Variants in DOCK2 observed in about 807,000 individuals in gnomAD.
The protein encoded by DOCK2 is dedicator of cytokinesis 2, also known as dedicator of cytokinesis protein 2.
A neutral mutation model predicts 248.9 loss-of-function variants in DOCK2; 87 were observed. The observed-to-expected ratio is 0.35, with a 90% CI of 0.29 to 0.42. The LOEUF (loss-of-function observed/expected upper bound fraction) is 0.42, where lower values mean the gene tolerates loss of function less well. Among genes scored for constraint, DOCK2 ranks in the 10% least tolerant of loss-of-function variants. DOCK2 has a pLI of 1.00. For synonymous variants in DOCK2, 805 were observed against 821.6 expected, an observed-to-expected ratio of 0.98 and a Z score of 0.35; for missense variants, 1,747 against 2,300.2, an observed-to-expected ratio of 0.76 and a Z score of 4.92.
intron 22 of DOCK2, among the ~76,000 whole-genome samples, chr5:169,724,502 C>T (rs1762367278): frequency 6.6e-6 from 1 of 152,106 alleles, no homozygotes; most frequent in African/African-American, 2.4e-5. Flanking sequence ...AGCTTCAGCA[C>T]CTGGAAGCTT....
intron 27 of DOCK2, among the ~76,000 whole-genome samples, chr5:169,970,541 A>C (rs1322558807): frequency 4.6e-5 from 7 of 152,328 alleles, no homozygotes; most frequent in Non-Finnish European, 8.8e-5. Flanking sequence ...TAATGTGACT[A>C]TGGGGAAACC....
At chr5:169,733,941 A>G (rs993284366) in intron 22 of DOCK2, among the ~76,000 whole-genome samples, 34 of 152,308 alleles carry the variant, frequency 2.2e-4, no homozygotes, top group Middle Eastern at 3.4e-3. Flanking sequence ...CCAATTCCAA[A>G]AAAACTATTA....
chr5:169,923,155 C>T (rs1285010261), intron 27 of DOCK2, among the ~76,000 whole-genome samples: 1 of 152,096 alleles, frequency 6.6e-6, no homozygotes, highest in Non-Finnish European at 1.5e-5. Flanking sequence ...GTGCTGGGTT[C>T]CTTCTCCTTC....
chr5:169,989,032 T>G (rs1778144705), intron 29 of DOCK2, among the ~76,000 whole-genome samples: 2 of 152,230 alleles, frequency 1.3e-5, no homozygotes, highest in Non-Finnish European at 2.9e-5. Flanking sequence ...ATGATCTGTA[T>G]GTTATGATAG....
chr5:169,799,652 T>A (rs1032945415), intron 25 of DOCK2, among the ~76,000 whole-genome samples: 1 of 152,220 alleles, frequency 6.6e-6, no homozygotes, highest in Non-Finnish European at 1.5e-5. Flanking sequence ...ATCTCAACTT[T>A]ATGATGGCAA....
chr5:169,675,074 A>G (rs895602296), intron 6 of DOCK2, among the ~76,000 whole-genome samples: 1 of 152,260 alleles, frequency 6.6e-6, no homozygotes, highest in Admixed American at 6.5e-5. Context: ...AATTCTTATA[A>G]TAACTCTATG....
chr5:169,668,912 C>G (rs1244154797), intron 2 of DOCK2, among the ~76,000 whole-genome samples: 1 of 152,112 alleles, frequency 6.6e-6, no homozygotes, highest in Non-Finnish European at 1.5e-5. Flanking sequence ...GGTCACAGGG[C>G]CCAGGAAGGC....
intron 22 of DOCK2, among the ~76,000 whole-genome samples, chr5:169,720,415 TCTC>T (rs1241399001): frequency 6.6e-6 from 1 of 152,054 alleles, no homozygotes. Flanking sequence ...TTTTATTGCT[TCTC>T]CTCTCTCCTA....
chr5:170,060,338 C>T (rs746991930), intron 44 of DOCK2, among the ~76,000 whole-genome samples: 14 of 152,144 alleles, frequency 9.2e-5, no homozygotes, highest in Admixed American at 5.2e-4. Context: ...CTTTAGGGAG[C>T]TTAAAGGGAC....
At chr5:170,032,673 A>G (rs933371094) in intron 34 of DOCK2, among the ~76,000 whole-genome samples, 8 of 152,218 alleles carry the variant, frequency 5.3e-5, no homozygotes, top group African/African-American at 1.9e-4. Flanking sequence ...AGACAGGTCT[A>G]AATCACAGGG....
At chr5:169,899,399 G>T (rs1773793084) in intron 27 of DOCK2, among the ~76,000 whole-genome samples, 1 of 152,192 alleles carries the variant, frequency 6.6e-6, no homozygotes, top group South Asian at 2.1e-4. Context: ...ATGAGACCCT[G>T]GAGGGAGAGC....
chr5:169,922,550 G>T (rs1775231347), intron 27 of DOCK2, among the ~76,000 whole-genome samples: 1 of 152,126 alleles, frequency 6.6e-6, no homozygotes, highest in South Asian at 2.1e-4. Flanking sequence ...CCAACAATGA[G>T]AAAAATAACC....
intron 27 of DOCK2, among the ~76,000 whole-genome samples, chr5:169,857,688 A>T (rs1412318129): frequency 1.3e-5 from 2 of 151,962 alleles, no homozygotes; most frequent in Non-Finnish European, 1.5e-5. Context: ...TCAGGGACTT[A>T]AGTCTCTCTT....
intron 47 of DOCK2, among the ~76,000 whole-genome samples, chr5:170,077,417 A>G (rs1165364873): frequency 6.6e-6 from 1 of 152,212 alleles, no homozygotes; most frequent in Admixed American, 6.5e-5. Flanking sequence ...CCATCTTATT[A>G]GCATAAAATC....
At chr5:170,050,235 A>C (rs746869851) in intron 40 of DOCK2, 21 bp from the exon 41 acceptor site, 1 of 1,612,226 alleles carries the variant, frequency 6.2e-7, no homozygotes, top group Admixed American at 1.7e-5. Context: ...CAAATCTCTA[A>C]TGAGCATCCT....
intron 29 of DOCK2, among the ~76,000 whole-genome samples, chr5:169,989,257 G>C (rs980092755): frequency 6.6e-6 from 1 of 152,170 alleles, no homozygotes; most frequent in African/African-American, 2.4e-5. Context: ...TTTTTGGTAA[G>C]CTGCAACACA....
At chr5:169,637,513 G>C in intron 1 of DOCK2, 144 bp downstream of exon 1, 2 of 1,004,136 alleles carry the variant, frequency 2.0e-6, no homozygotes, top group Non-Finnish European at 2.6e-6. Flanking sequence ...GCGGGGCCTC[G>C]GGGCGGGAAA....
In DOCK2 at chr5:169,642,934, C is replaced by T. The variant is rs553901576; in HGVS notation, c.43+5565C>T. 2.6e-5 allele frequency among the ~76,000 whole-genome samples: 4 copies of T among 152,208 alleles called. No homozygotes were observed. In the South Asian group the frequency reaches 8.3e-4, roughly 32 times the overall value. ...CCATACTGCTCCGCTAATTTCTGGACCTTTGGATTTGTTTTTTTTTTCAAT... is the reference window on the plus strand; with the variant it reads ...CCATACTGCTCCGCTAATTTCTGGATCTTTGGATTTGTTTTTTTTTTCAAT... On this transcript the variant is annotated intron_variant, in intron 1 of 51. Coordinates refer to ENST00000520908, the MANE Select transcript of DOCK2 (RefSeq NM_004946.3).
At chr5:169,852,037 C>A (rs1364620686) in intron 27 of DOCK2, among the ~76,000 whole-genome samples, 1 of 152,048 alleles carries the variant, frequency 6.6e-6, no homozygotes, top group Non-Finnish European at 1.5e-5. Context: ...AAAGCTGGGG[C>A]CTTCATTGGC....
Sources: allele counts gnomAD v4.1 joint callset (sites outside exome capture counted in the v4.1 genomes callset), GRCh38; gene constraint gnomAD v4.1.1; transcripts MANE v1.5; gene names NCBI Gene and HGNC (gene_info 2026-07-23, HGNC 2026-07-21).